SULT1E1: variants seen among roughly 807,000 people sequenced by gnomAD.
SULT1E1 encodes the protein sulfotransferase family 1E member 1.
A neutral mutation model predicts 33.6 loss-of-function variants in SULT1E1; 36 were observed. That is an observed-to-expected ratio of 1.07 (90% confidence interval 0.82 to 1.41). SULT1E1 has a LOEUF of 1.41. Ranked by LOEUF, SULT1E1 falls within the 40% of genes most tolerant of loss-of-function variation. The pLI is 0.00. For missense variants in SULT1E1, 371 were observed against 345.7 expected (o/e 1.07, Z -0.58); for synonymous variants, 121 against 111.7 (o/e 1.08, Z -0.53).
the SULT1E1 span, among the ~76,000 whole-genome samples, chr4:69,835,053 T>G: frequency 2.4e-4 from 36 of 152,184 alleles, no homozygotes; most frequent in African/African-American, 7.5e-4. Flanking sequence ...AACTCCATCC[T>G]TACCTCTTAC....
rs1212237289 is a variant in SULT1E1 at position 69,857,622 on chromosome 4, T to C, written c.23A>G (p.Tyr8Cys). The change falls in exon 2 of 8, where the codon TAT becomes TGT. Residue 8 changes from tyrosine (Y) to cysteine (C), a missense_variant. Coordinates refer to ENST00000226444, the MANE Select transcript of SULT1E1 (RefSeq NM_005420.3). MNSELDYYEKFEEVHGIL... is the reference protein window; with the variant it reads MNSELDYCEKFEEVHGIL... ...CCCATGGACTTCTTCAAACTTTTCA[T>C]AATAGTCAAGTTCAGAATTCATTGT... 2 of 1,605,018 alleles carry C rather than the reference T, an allele frequency of 1.2e-6. No individual in the cohort carries two copies. The highest frequency in any genetic ancestry group is 2.2e-5 in the East Asian group (1 of 44,814).
At position 69,849,443 on chromosome 4, in the gene SULT1E1, C is replaced by T; in HGVS notation, c.490G>A (p.Gly164Arg). 1.2e-6 allele frequency: 2 copies of T among 1,610,542 alleles called. No individual in the cohort carries two copies. The highest frequency in any genetic ancestry group is 1.7e-6 in the Non-Finnish European group (2 of 1,177,458). The change falls in exon 5 of 8, where the codon GGA becomes AGA. Residue 164 changes from glycine (G) to arginine (R), a missense_variant. Transcript: ENST00000226444. ...FPEFVEKFMQ[G>R]QVPYGSWYKH... ...GTAAAGAAGCTGTTCCTACCCTGTC[C>T]TTGCATGAATTTCTCCACAAACTCT...
chr4:69,842,794 C>T (rs914322533), intron 7 of SULT1E1, among the ~76,000 whole-genome samples: 8 of 151,822 alleles, frequency 5.3e-5, no homozygotes, highest in African/African-American at 1.7e-4. Flanking sequence ...TGCTTTTTAA[C>T]ATACTTCCAA....
At chr4:69,832,874 G>A in the SULT1E1 span, among the ~76,000 whole-genome samples, 1 of 152,158 alleles carries the variant, frequency 6.6e-6, no homozygotes, top group African/African-American at 2.4e-5. Flanking sequence ...CGAGGGGGAA[G>A]TTTACTTACA....
intron 6 of SULT1E1, among the ~76,000 whole-genome samples, chr4:69,844,721 C>T (rs960946489): frequency 6.6e-6 from 1 of 151,856 alleles, no homozygotes; most frequent in African/African-American, 2.4e-5. Context: ...CATTTTTCTC[C>T]TAATTTATTG....
chr4:69,857,717 T>C, intron 1 of SULT1E1, 64 bp from the exon 2 acceptor site: 2 of 1,471,410 alleles, frequency 1.4e-6, no homozygotes, highest in Non-Finnish European at 1.8e-6. Flanking sequence ...TTAACAACTA[T>C]GTATATAACG....
chr4:69,836,975 T>C (rs1459531632), downstream of SULT1E1, among the ~76,000 whole-genome samples: 1 of 152,046 alleles, frequency 6.6e-6, no homozygotes, highest in Non-Finnish European at 1.5e-5. Context: ...CTCAGCTACT[T>C]GGGAAGCTGA....
At chr4:69,845,143 C>A (rs1720949073) in intron 6 of SULT1E1, among the ~76,000 whole-genome samples, 1 of 151,816 alleles carries the variant, frequency 6.6e-6, no homozygotes, top group African/African-American at 2.4e-5. Context: ...GTTTTATTTA[C>A]TTGTCTATCT....
At chr4:69,856,656 C>T (rs768324268) in intron 2 of SULT1E1, among the ~76,000 whole-genome samples, 3 of 152,002 alleles carry the variant, frequency 2.0e-5, no homozygotes, top group Admixed American at 6.5e-5. Flanking sequence ...TAAGGGCGGC[C>T]GGGCGCGGTG....
At position 69,857,653 on chromosome 4, in the gene SULT1E1, A is replaced by C; in HGVS notation, c.-9T>G. ...TCAAGTTCAGAATTCATTGTGGTAC[A>C]CTGAAAAAAAACCTCTGCTTTATAC... On this transcript the variant is annotated splice_region_variant and 5_prime_UTR_variant, in exon 2 of 8. Coordinates refer to ENST00000226444, the MANE Select transcript of SULT1E1 (RefSeq NM_005420.3). 6.3e-7 allele frequency: 1 copy of C among 1,582,396 alleles called. No homozygotes were observed. The highest frequency in any genetic ancestry group is 8.5e-7 in the Non-Finnish European group (1 of 1,170,124).
chr4:69,831,072 G>A, the SULT1E1 span, among the ~76,000 whole-genome samples: 2 of 152,154 alleles, frequency 1.3e-5, no homozygotes, highest in Non-Finnish European at 2.9e-5. Flanking sequence ...CTTCTCAGGT[G>A]AGGCTGGGAG....
chr4:69,845,966 T>C (rs1314092080), intron 6 of SULT1E1, among the ~76,000 whole-genome samples: 2 of 150,792 alleles, frequency 1.3e-5, no homozygotes, highest in South Asian at 2.1e-4. Flanking sequence ...TTTAAATAAA[T>C]GCTCACCAAA....
At chr4:69,838,138 GA>G (rs58619581), downstream of SULT1E1, among the ~76,000 whole-genome samples, 724 of 152,114 alleles carry the variant, frequency 4.8e-3, 6 homozygotes, top group African/African-American at 0.016. Context: ...TTTTATTGCT[GA>G]TTTTAGCAAT....
the SULT1E1 span, among the ~76,000 whole-genome samples, chr4:69,832,852 C>T: frequency 6.6e-6 from 1 of 152,028 alleles, no homozygotes; most frequent in Non-Finnish European, 1.5e-5. Flanking sequence ...ACATAGCAGA[C>T]GGCATGGGAT....
At chr4:69,825,777 T>G in the SULT1E1 span, among the ~76,000 whole-genome samples, 1 of 152,122 alleles carries the variant, frequency 6.6e-6, no homozygotes, top group South Asian at 2.1e-4. Context: ...TAAGTGAGAC[T>G]CGCCCATCTA....
At chr4:69,837,839 A>G (rs1720818658), downstream of SULT1E1, among the ~76,000 whole-genome samples, 1 of 152,178 alleles carries the variant, frequency 6.6e-6, no homozygotes, top group Admixed American at 6.6e-5. Flanking sequence ...CCAGTTTTTA[A>G]TATTTTAAGA....
rs543317759 is a variant in SULT1E1, at chr4:69,846,188, A to C, written c.591+1510T>G. Among the ~76,000 whole-genome samples, 7 of 149,580 alleles carry C rather than the reference A, an allele frequency of 4.7e-5. 1 individual carries two copies. In the South Asian group the frequency reaches 1.5e-3, roughly 31 times the overall value. The stretch of plus-strand genomic sequence containing the variant: ...TATCTCATTTAAAGAGGAAAACTAT[A>C]TACAGCACCTATTACCTACTACTTA... On this transcript the variant is annotated intron_variant, in intron 6 of 7. Transcript: ENST00000226444.
At chr4:69,842,151 A>G in intron 7 of SULT1E1, 45 bp from the exon 8 acceptor site, 1 of 1,116,586 alleles carries the variant, frequency 9.0e-7, no homozygotes, top group Non-Finnish European at 1.3e-6. Flanking sequence ...TCTTCCAAAA[A>G]GAATCATTAG....
At chr4:69,840,543 A>C (rs972497936), downstream of SULT1E1, among the ~76,000 whole-genome samples, 1 of 152,228 alleles carries the variant, frequency 6.6e-6, no homozygotes, top group African/African-American at 2.4e-5. Context: ...ACTGCCAAAT[A>C]TCTTATTCTT....
Sources: allele counts gnomAD v4.1 joint callset (sites outside exome capture counted in the v4.1 genomes callset), GRCh38; gene constraint gnomAD v4.1.1; transcripts MANE v1.5; gene names NCBI Gene and HGNC (gene_info 2026-07-23, HGNC 2026-07-21).